KMT5C: variants seen among roughly 807,000 people sequenced by gnomAD.
KMT5C encodes histone-lysine N-methyltransferase KMT5C.
A neutral mutation model predicts 38.2 loss-of-function variants in KMT5C; 16 were observed. The ratio of observed to expected loss-of-function variants is 0.42; its 90% CI spans 0.28 to 0.64. The LOEUF is 0.64. Ranked by LOEUF, KMT5C falls within the 30% of genes least tolerant of loss-of-function variation. KMT5C has a pLI of 0.23. For missense variants in KMT5C, 598 were observed against 665.1 expected (o/e 0.90, Z 1.11); for synonymous variants, 291 against 279.0 (o/e 1.04, Z -0.43).
At chr19:55,340,399 C>A (rs374104372) in intron 1 of KMT5C, among the ~76,000 whole-genome samples, 67 of 152,060 alleles carry the variant, frequency 4.4e-4, no homozygotes, top group African/African-American at 1.5e-3. Context: ...TCCTCTCACC[C>A]TCCAGGCCTC....
intron 6 of KMT5C, chr19:55,345,026 T>G (rs1297745613): frequency 2.2e-6 from 1 of 456,260 alleles, no homozygotes; most frequent in Admixed American, 2.4e-5. Context: ...GTGGCCCTGG[T>G]CTGACACCAC....
rs1166305517 is a variant in KMT5C, at chr19:55,346,329, T to C, written c.687T>C (p.Cys229=). 3 of 1,613,922 alleles carry C rather than the reference T, an allele frequency of 1.9e-6. No individual in the cohort carries two copies. The highest frequency in any genetic ancestry group is 2.7e-5 in the African/African-American group (2 of 74,914). Residue 229 remains cysteine, a synonymous_variant, in exon 7 of 9, where the codon TGT becomes TGC. Coordinates refer to ENST00000255613, the MANE Select transcript of KMT5C (RefSeq NM_032701.4). ...TCTTCGGCGAGAAGAATGAGCACTGTGAATGCCACACCTGTGAGAGGTGGG... is the reference window on the plus strand; with the variant it reads ...TCTTCGGCGAGAAGAATGAGCACTGCGAATGCCACACCTGTGAGAGGTGGG... The part of the protein sequence containing the change: ...EGFFGEKNEH[C]ECHTCERKGE...
intron 3 of KMT5C, 148 bp from the exon 4 acceptor site, chr19:55,342,594 C>T (rs900338844): frequency 3.1e-5 from 20 of 644,442 alleles, no homozygotes; most frequent in African/African-American, 2.0e-4. Context: ...CTTCATTTGA[C>T]GGATGAGGAA....
chr19:55,345,507 C>T (rs1002702227), intron 6 of KMT5C, among the ~76,000 whole-genome samples: 6 of 152,016 alleles, frequency 3.9e-5, no homozygotes, highest in East Asian at 1.9e-4. Flanking sequence ...GATGAGGATG[C>T]GGGAGGTGGC....
At chr19:55,341,614 G>A (rs1436453692) in intron 1 of KMT5C, 180 bp from the exon 2 acceptor site, 1 of 400,424 alleles carries the variant, frequency 2.5e-6, no homozygotes, top group South Asian at 2.5e-5. Flanking sequence ...GTGTGCATGG[G>A]TGTGCATGTG....
intron 6 of KMT5C, 21 bp downstream of exon 6, chr19:55,344,018 A>G (rs751462925): frequency 3.7e-6 from 6 of 1,608,512 alleles, no homozygotes; most frequent in South Asian, 1.1e-5. Flanking sequence ...GGGACTCGGG[A>G]GGAGAGGGCA....
Position 55,346,655 on chromosome 19 carries a change from A to C in KMT5C, c.863A>C (p.His288Pro). The C allele has an allele frequency of 6.3e-7, 1 of 1,575,396 alleles. No homozygotes were observed. Residue 288 changes from histidine (H) to proline (P), a missense_variant, in exon 8 of 9, where the codon CAC (histidine) becomes CCC (proline). Around this residue, in one of 3 missense-constraint regions of KMT5C, gnomAD observed 326 missense variants for 298.1 expected, o/e 1.09. Coordinates refer to ENST00000255613, the MANE Select transcript of KMT5C (RefSeq NM_032701.4). ...QGLLGPRACV[H>P]PSPLRRDPFC... is the part of the protein sequence containing the mutation. ...CTGCTGGGCCCTCGGGCCTGCGTGC[A>C]CCCATCCCCGCTGCGCCGGGACCCA...
chr19:55,344,348 C>T (rs1209326875), intron 6 of KMT5C: 17 of 276,330 alleles, frequency 6.2e-5, no homozygotes, highest in African/African-American at 2.6e-4. Flanking sequence ...GGCCACAGAG[C>T]GAGACTCTGT....
rs779865486 is a variant in KMT5C, at chr19:55,346,357, C to T, written c.707+8C>T. 2.1e-5 allele frequency: 34 copies of T among 1,613,802 alleles called. No individual in the cohort carries two copies. The highest frequency in any genetic ancestry group is 1.6e-4 in the Middle Eastern group (1 of 6,082). On this transcript the variant is annotated splice_region_variant and intron_variant, in intron 7 of 8. Transcript: ENST00000255613. ...ATGCCACACCTGTGAGAGGTGGGAC[C>T]GGGCGAGAGGCGGCTGGGTTCGGGT...
At chr19:55,345,876 G>C (rs1173945542) in intron 6 of KMT5C, among the ~76,000 whole-genome samples, 1 of 152,194 alleles carries the variant, frequency 6.6e-6, no homozygotes, top group Non-Finnish European at 1.5e-5. Context: ...GAGGGGATGG[G>C]CTTGGGTGTG....
At chr19:55,345,464 T>G (rs2089606834) in intron 6 of KMT5C, among the ~76,000 whole-genome samples, 1 of 151,858 alleles carries the variant, frequency 6.6e-6, no homozygotes, top group African/African-American at 2.4e-5. Context: ...GATGAGGGGC[T>G]GACTCCAGTA....
chr19:55,342,748 C>T lies in KMT5C; in HGVS notation c.283C>T (p.Arg95Cys), dbSNP rs764360208. ...QEAALKTHVY[R>C]YLRAFLPESG... The stretch of plus-strand genomic sequence containing the variant: ...CCACCCTCACCCTCACCAGGTCTAT[C>T]GCTACCTCCGTGCCTTCCTGCCGGA... The change falls in exon 4 of 9, where the codon CGC becomes TGC. Residue 95 changes from arginine (R) to cysteine (C), a missense_variant. Arg to Cys is a radical substitution (Grantham distance 180). Transcript: ENST00000255613. The T allele has an allele frequency of 1.2e-5, 19 of 1,590,708 alleles. No homozygotes were observed. The highest frequency in any genetic ancestry group is 1.0e-4 in the Admixed American group (6 of 59,922).
chr19:55,342,665 C>G lies in KMT5C; in HGVS notation c.277-77C>G. 3.6e-6 allele frequency: 3 copies of G among 833,948 alleles called. 1 individual carries two copies. In the South Asian group the frequency reaches 4.2e-5, roughly 12 times the overall value. The allele number at this position is 833,948 out of a possible 1,614,324, so 51.7% of individuals were successfully genotyped here. A position where few individuals can be genotyped will look rare whatever the true frequency, so the allele number is the denominator to read the frequency against. On this transcript the variant is annotated intron_variant, in intron 3 of 8. Coordinates refer to ENST00000255613, the MANE Select transcript of KMT5C (RefSeq NM_032701.4). ...ACCACACAGTGAGTCAGTGGCATGG[C>G]AGGCCTAGAGTCCTGGAGAGAGAGG...
chr19:55,343,356 G>A lies in KMT5C; in HGVS notation c.387-324G>A, dbSNP rs892021584. On this transcript the variant is annotated intron_variant, in intron 4 of 8. Transcript: ENST00000255613. This position sits in a 1 kb window ranked among gnomAD's most constrained non-coding sequence, Gnocchi z 5.5. ...CACCCGCCTGAGGGTCTGGTGGGGC[G>A]AGTAGGGGGTAGTCCAGGCAGGAGG... 1 of 402,768 alleles carries A rather than the reference G, an allele frequency of 2.5e-6. No individual in the cohort carries two copies. The highest frequency in any genetic ancestry group is 3.7e-5 in the Admixed American group (1 of 26,934). The allele number at this position is 402,768 out of a possible 1,614,324, so 24.9% of individuals were successfully genotyped here.
intron 8 of KMT5C, 84 bp from the exon 9 acceptor site, chr19:55,346,872 C>G (rs1260594028): frequency 1.3e-6 from 1 of 779,816 alleles, no homozygotes; most frequent in African/African-American, 1.7e-5. Context: ...GGGCTGCCTC[C>G]TTGTCCAGAG....
Position 55,346,507 on chromosome 19 carries a change from G to A in KMT5C, c.715G>A (p.Glu239Lys). The change falls in exon 8 of 9, where the codon GAA becomes AAA. Residue 239 changes from glutamate (E) to lysine (K), a missense_variant. Glu to Lys is a moderately conservative substitution (Grantham distance 56, BLOSUM62 1). Coordinates refer to ENST00000255613, the MANE Select transcript of KMT5C (RefSeq NM_032701.4). ...CECHTCERKG[E>K]GAFRTRPREP... ...CTTCACCCGGTCTCCCAGGAAAGGT[G>A]AAGGAGCTTTCCGAACCAGGCCTAG... 1.9e-6 allele frequency: 3 copies of A among 1,594,516 alleles called. No individual in the cohort carries two copies. Among genetic ancestry groups the A allele is most frequent in the Non-Finnish European group, 1.7e-6 (2 of 1,170,990 alleles).
chr19:55,345,016 G>A (rs922514870), intron 6 of KMT5C: 2 of 456,582 alleles, frequency 4.4e-6, no homozygotes, highest in African/African-American at 2.0e-5. Flanking sequence ...CAGCGAATGC[G>A]TGGCCCTGGT....
intron 8 of KMT5C, 107 bp downstream of exon 8, chr19:55,346,794 C>G: frequency 2.0e-6 from 2 of 1,022,036 alleles, no homozygotes; most frequent in South Asian, 1.7e-5. Context: ...TCCCTCCCAC[C>G]CTCAGTCGCT....
Position 55,346,647 on chromosome 19 carries a change from C to A in KMT5C, c.855C>A (p.Ala285=). Residue 285 remains alanine (A), a synonymous_variant, in exon 8 of 9, where the codon GCC becomes GCA. Transcript: ENST00000255613. ...GACAGGGCCTGCTGGGCCCTCGGGC[C>A]TGCGTGCACCCATCCCCGCTGCGCC... ...GSRQGLLGPR[A]CVHPSPLRRD... is the part of the protein sequence containing the mutation. 1 of 1,576,262 alleles carries A rather than the reference C, an allele frequency of 6.3e-7. No homozygotes were observed. Among genetic ancestry groups the A allele is most frequent in the Non-Finnish European group, 8.6e-7 (1 of 1,161,910 alleles).
Sources: gnomAD v4.1 joint callset for allele counts (sites outside exome capture counted in the v4.1 genomes callset) on GRCh38, gnomAD v4.1.1 for gene constraint, gnomAD v4.1.1 regional missense constraint, Gnocchi (gnomAD v3.1) non-coding constraint, MANE v1.5 for transcripts, NCBI Gene and HGNC (gene_info 2026-07-23, HGNC 2026-07-21) for gene names.